The following PRKG1 variants were observed in gnomAD, a reference collection of about 807,000 sequenced individuals.
PRKG1 encodes protein kinase cGMP-dependent 1.
PRKG1 carries 35 observed loss-of-function variants against 88.1 expected under a neutral mutation model. The ratio of observed to expected loss-of-function variants is 0.40; its 90% CI spans 0.30 to 0.53. PRKG1 has a LOEUF of 0.53. Among genes scored for constraint, PRKG1 ranks in the 20% least tolerant of loss-of-function variants. The pLI, the probability that PRKG1 is intolerant of heterozygous loss-of-function variation, is 0.59. For synonymous variants in PRKG1, 303 were observed against 292.5 expected (o/e 1.04, Z -0.37); for missense variants, 540 against 839.8 (o/e 0.64, Z 4.41).
At chr10:51,896,661 A>AAG (rs1564697831) in intron 4 of PRKG1, among the ~76,000 whole-genome samples, 1 of 150,598 alleles carries the variant, frequency 6.6e-6, no homozygotes, top group African/African-American at 2.4e-5. Flanking sequence ...AAAAAAAAAA[A>AAG]AAAAAAAAAG....
At chr10:52,259,302 T>C (rs1286750198) in intron 10 of PRKG1, among the ~76,000 whole-genome samples, 1 of 152,046 alleles carries the variant, frequency 6.6e-6, no homozygotes, top group Non-Finnish European at 1.5e-5. Context: ...AAGTAGGTTA[T>C]TTTGTACCAC....
Position 51,690,909 on chromosome 10 carries a change from AGAGT to A in PRKG1, c.593-113672_593-113669del, listed in dbSNP as rs1372735444. Among the ~76,000 whole-genome samples, 6 of 139,318 alleles carry A rather than the reference AGAGT, an allele frequency of 4.3e-5. 1 individual carries two copies. In the East Asian group the frequency reaches 1.3e-3, roughly 30 times the overall value. The allele number at this position is 139,318 out of a possible 152,430, so 91.4% of individuals were successfully genotyped here. A position where few individuals can be genotyped will look rare whatever the true frequency, so the allele number is the denominator to read the frequency against. ...CCACTACACCCCCCAGCCTGGCGAC[AGAGT>A]GAGACTCTGTCTCAAAAAAAAAAAA... On this transcript the variant is annotated intron_variant, in intron 3 of 17. Transcript: ENST00000373980.
At chr10:52,159,832 A>G (rs902785033) in intron 8 of PRKG1, among the ~76,000 whole-genome samples, 4 of 151,826 alleles carry the variant, frequency 2.6e-5, no homozygotes, top group African/African-American at 7.2e-5. Flanking sequence ...TAATAACACA[A>G]TCTCTTAATA....
Position 52,240,475 on chromosome 10 carries a change from A to G in PRKG1, c.1077-11095A>G, listed in dbSNP as rs546640917. On this transcript the variant is annotated intron_variant, in intron 9 of 17. Transcript: ENST00000373980. Reference sequence around the variant, plus strand: ...AGTATAAGCTAAGGAAATCTGAATAAAAGTATGGAGTTTAGTTTCAAAAGG... The same window carrying G: ...AGTATAAGCTAAGGAAATCTGAATAGAAGTATGGAGTTTAGTTTCAAAAGG... Among the ~76,000 whole-genome samples, 42 of 152,294 alleles carry G rather than the reference A, an allele frequency of 2.8e-4. 1 individual carries two copies. The South Asian group carries it at 8.5e-3, about 31-fold the overall frequency.
At chr10:52,150,603 G>A (rs1362489480) in intron 8 of PRKG1, among the ~76,000 whole-genome samples, 3 of 152,138 alleles carry the variant, frequency 2.0e-5, no homozygotes. Context: ...GGAAAAGTAT[G>A]TATTTCCCTT....
intron 4 of PRKG1, among the ~76,000 whole-genome samples, chr10:51,895,869 T>A (rs1841831871): frequency 1.3e-5 from 2 of 152,016 alleles, no homozygotes; most frequent in African/African-American, 4.8e-5. Flanking sequence ...TGCGTGCAAT[T>A]GCCTAGAGAG....
At chr10:51,664,878 G>A (rs187330570) in intron 3 of PRKG1, among the ~76,000 whole-genome samples, 30 of 152,260 alleles carry the variant, frequency 2.0e-4, no homozygotes, top group African/African-American at 7.2e-4. Context: ...GAGGATGTCA[G>A]TGGACATTTA....
intron 7 of PRKG1, among the ~76,000 whole-genome samples, chr10:52,125,491 C>G (rs984362995): frequency 6.6e-6 from 1 of 152,088 alleles, no homozygotes; most frequent in Admixed American, 6.5e-5. Context: ...ATTAGAGTAG[C>G]CCTCACTTAT....
At chr10:51,591,400 C>T (rs1025149803) in intron 3 of PRKG1, among the ~76,000 whole-genome samples, 4 of 152,084 alleles carry the variant, frequency 2.6e-5, no homozygotes, top group African/African-American at 4.8e-5. Context: ...TGTCATTAGA[C>T]AAAATAAAAA....
chr10:52,205,788 G>C (rs139042987), intron 9 of PRKG1, among the ~76,000 whole-genome samples: 44 of 152,274 alleles, frequency 2.9e-4, no homozygotes, highest in African/African-American at 8.9e-4. Context: ...TCTGCCTTTA[G>C]CCTGATGGGA....
intron 3 of PRKG1, among the ~76,000 whole-genome samples, chr10:51,666,667 G>T (rs542698745): frequency 6.6e-6 from 1 of 152,110 alleles, no homozygotes; most frequent in Non-Finnish European, 1.5e-5. Flanking sequence ...CCACCCACAT[G>T]GTAGATGCAG....
chr10:51,397,871 C>T (rs556128092), intron 2 of PRKG1, among the ~76,000 whole-genome samples: 1 of 152,300 alleles, frequency 6.6e-6, no homozygotes, highest in Non-Finnish European at 1.5e-5. Flanking sequence ...TGTCCTTTTC[C>T]TCCTCGAAGG....
chr10:52,089,804 CTTTTTTTTTTTT>C (rs397846439), intron 7 of PRKG1, among the ~76,000 whole-genome samples: 14 of 67,722 alleles, frequency 2.1e-4, no homozygotes, highest in African/African-American at 2.7e-4. Flanking sequence ...TTCTTTCCTT[CTTTTTTTTTTTT>C]TTTTTTTTTT....
At chr10:51,503,576 A>T (rs1282050702) in intron 3 of PRKG1, among the ~76,000 whole-genome samples, 3 of 152,200 alleles carry the variant, frequency 2.0e-5, no homozygotes, top group Admixed American at 2.0e-4. Context: ...CTGTATCCTT[A>T]GCCAGCCTTT....
At chr10:51,614,031 C>G (rs74702522) in intron 3 of PRKG1, among the ~76,000 whole-genome samples, 2,324 of 151,832 alleles carry the variant, frequency 0.015, 65 homozygotes, top group African/African-American at 0.052. Context: ...CAGTTTAAGT[C>G]TAATATTTTG....
chr10:51,027,721 T>G (rs769163908), intron 1 of PRKG1, among the ~76,000 whole-genome samples: 9 of 152,306 alleles, frequency 5.9e-5, no homozygotes, highest in Middle Eastern at 3.4e-3. Flanking sequence ...GGGAAAATAG[T>G]ACTGCAACTT....
chr10:51,473,823 C>T (rs781642117), intron 3 of PRKG1, among the ~76,000 whole-genome samples: 2 of 151,498 alleles, frequency 1.3e-5, no homozygotes, highest in African/African-American at 2.4e-5. Flanking sequence ...CAAAAATCTG[C>T]ACCATAAGAA....
chr10:51,486,232 T>C (rs1589007397), intron 3 of PRKG1, among the ~76,000 whole-genome samples: 1 of 152,102 alleles, frequency 6.6e-6, no homozygotes, highest in Admixed American at 6.6e-5. Context: ...CTTTCACTGA[T>C]ACCTCTCCAT....
chr10:51,861,762 T>C (rs1385894716), intron 4 of PRKG1, among the ~76,000 whole-genome samples: 1 of 152,226 alleles, frequency 6.6e-6, no homozygotes, highest in Non-Finnish European at 1.5e-5. Flanking sequence ...CAATTATAAA[T>C]TTACACAAAA....
Sources: gnomAD v4.1 joint callset for allele counts (sites outside exome capture counted in the v4.1 genomes callset) on GRCh38, gnomAD v4.1.1 for gene constraint, MANE v1.5 for transcripts, NCBI Gene and HGNC (gene_info 2026-07-23, HGNC 2026-07-21) for gene names.